Variants in LUZP2 observed in about 807,000 individuals in gnomAD.
The protein encoded by LUZP2 is leucine zipper protein 2.
A neutral mutation model predicts 51.6 loss-of-function variants in LUZP2; 52 were observed. The ratio of observed to expected loss-of-function variants is 1.01; its 90% CI spans 0.81 to 1.27. The LOEUF (loss-of-function observed/expected upper bound fraction) is 1.27, where lower values mean the gene tolerates loss of function less well. LUZP2 is among the 50% of genes most tolerant of loss of function. The pLI, the probability that LUZP2 is intolerant of heterozygous loss-of-function variation, is 0.00. For missense variants in LUZP2, 436 were observed against 395.4 expected, an observed-to-expected ratio of 1.10 and a Z score of -0.87; for synonymous variants, 154 against 137.3, an observed-to-expected ratio of 1.12 and a Z score of -0.85.
chr11:25,026,843 CTTTTTATTT>C (rs1857507258), intron 9 of LUZP2, among the ~76,000 whole-genome samples: 1 of 149,980 alleles, frequency 6.7e-6, no homozygotes, highest in Admixed American at 6.6e-5. Context: ...ACTATTTCAC[CTTTTTATTT>C]TTTTTATTTT....
intron 8 of LUZP2, 88 bp from the exon 9 acceptor site, chr11:24,983,038 A>C: frequency 8.0e-7 from 1 of 1,246,998 alleles, no homozygotes; most frequent in Non-Finnish European, 1.1e-6. Context: ...TTTTGTGGGG[A>C]GTATAGGCTA....
At chr11:24,947,939 A>G (rs1854945916) in intron 7 of LUZP2, among the ~76,000 whole-genome samples, 1 of 151,814 alleles carries the variant, frequency 6.6e-6, no homozygotes, top group African/African-American at 2.4e-5. Context: ...CTGAGCATCA[A>G]TTCTTTGCGT....
chr11:24,538,554 A>G (rs1851252452), intron 1 of LUZP2, among the ~76,000 whole-genome samples: 1 of 151,614 alleles, frequency 6.6e-6, no homozygotes, highest in Non-Finnish European at 1.5e-5. Flanking sequence ...TATTTTAATA[A>G]AGTTGTTAGG....
chr11:24,638,471 G>A (rs542896329), intron 1 of LUZP2, among the ~76,000 whole-genome samples: 13 of 151,276 alleles, frequency 8.6e-5, no homozygotes, highest in Non-Finnish European at 1.5e-4. Context: ...AACTATATAG[G>A]GAAAAAATTG....
chr11:24,667,933 A>G (rs1205239108), intron 1 of LUZP2, among the ~76,000 whole-genome samples: 4 of 152,170 alleles, frequency 2.6e-5, no homozygotes, highest in Admixed American at 2.6e-4. Context: ...CATGATAGAT[A>G]TTTTCCTCTT....
At chr11:24,929,073 T>A (rs890314692) in intron 7 of LUZP2, among the ~76,000 whole-genome samples, 6 of 152,042 alleles carry the variant, frequency 3.9e-5, no homozygotes, top group African/African-American at 1.4e-4. Context: ...TGGTATCAGT[T>A]ATAATATATC....
intron 9 of LUZP2, among the ~76,000 whole-genome samples, chr11:25,030,616 T>C (rs899274824): frequency 6.6e-6 from 1 of 151,744 alleles, no homozygotes; most frequent in Non-Finnish European, 1.5e-5. Context: ...ATTTTGCTGA[T>C]CTGCTATAGC....
In LUZP2 at chr11:24,497,191, C is replaced by A. The variant is rs114509228; in HGVS notation, c.-53C>A. 2.0e-3 allele frequency: 2,987 copies of A among 1,488,810 alleles called. 38 individuals carry two copies. In the African/African-American group the frequency reaches 0.032, roughly 16 times the overall value. The allele number at this position is 1,488,810 out of a possible 1,614,324, so 92.2% of individuals were successfully genotyped here. A position where few individuals can be genotyped will look rare whatever the true frequency, so the allele number is the denominator to read the frequency against. On this transcript the variant is annotated 5_prime_UTR_variant, in exon 1 of 12. Coordinates refer to ENST00000336930, the MANE Select transcript of LUZP2 (RefSeq NM_001009909.4). ...CGGGCACCAAGGAGCGACAGGATCCCGAAGAGAGAGAGAGAAGGCAGCGAG... is the reference window on the plus strand; with the variant it reads ...CGGGCACCAAGGAGCGACAGGATCCAGAAGAGAGAGAGAGAAGGCAGCGAG...
chr11:24,958,954 G>A (rs560027850), intron 7 of LUZP2, among the ~76,000 whole-genome samples: 1 of 152,308 alleles, frequency 6.6e-6, no homozygotes, highest in South Asian at 2.1e-4. Flanking sequence ...AAGGGATCCA[G>A]TTTCAGCTTT....
At chr11:24,734,690 T>A (rs1357541778) in intron 3 of LUZP2, among the ~76,000 whole-genome samples, 5 of 151,964 alleles carry the variant, frequency 3.3e-5, no homozygotes, top group Non-Finnish European at 7.4e-5. Flanking sequence ...TGTGTGTATA[T>A]TATGGTAAAA....
At chr11:24,943,841 G>A (rs958975963) in intron 7 of LUZP2, among the ~76,000 whole-genome samples, 2 of 145,478 alleles carry the variant, frequency 1.4e-5, no homozygotes, top group Admixed American at 7.1e-5. Flanking sequence ...TTGGGCCACT[G>A]CACTCCAGCC....
At chr11:24,912,908 T>G (rs1246399903) in intron 6 of LUZP2, among the ~76,000 whole-genome samples, 2 of 152,188 alleles carry the variant, frequency 1.3e-5, no homozygotes, top group Admixed American at 1.3e-4. Context: ...CTTGGAAAAT[T>G]ATATTTCTAC....
At chr11:24,918,556 G>A (rs935787023) in intron 7 of LUZP2, among the ~76,000 whole-genome samples, 35 of 151,572 alleles carry the variant, frequency 2.3e-4, no homozygotes, top group Admixed American at 1.7e-3. Flanking sequence ...TTGATGGGAC[G>A]TATCTCAAAA....
At chr11:24,517,202 C>A (rs1228670336) in intron 1 of LUZP2, among the ~76,000 whole-genome samples, 1 of 151,892 alleles carries the variant, frequency 6.6e-6, no homozygotes, top group Non-Finnish European at 1.5e-5. Flanking sequence ...ATTGTAGGTA[C>A]AGGCCGGGCA....
At chr11:24,898,669 A>G (rs1435616834) in intron 5 of LUZP2, among the ~76,000 whole-genome samples, 3 of 151,950 alleles carry the variant, frequency 2.0e-5, no homozygotes, top group African/African-American at 7.2e-5. Flanking sequence ...GGTGGGTCAG[A>G]GTGGTGCGCA....
At chr11:24,858,072 C>T (rs530296147) in intron 5 of LUZP2, among the ~76,000 whole-genome samples, 5 of 152,188 alleles carry the variant, frequency 3.3e-5, no homozygotes, top group African/African-American at 1.2e-4. Context: ...GTGTCTTTGG[C>T]ATCGAATGAC....
intron 5 of LUZP2, among the ~76,000 whole-genome samples, chr11:24,901,244 A>G (rs1853272284): frequency 6.6e-6 from 1 of 152,004 alleles, no homozygotes; most frequent in African/African-American, 2.4e-5. Context: ...CAGATGCTTC[A>G]TATTGGCCAA....
At chr11:25,026,146 G>C (rs1055986643) in intron 9 of LUZP2, among the ~76,000 whole-genome samples, 3 of 135,804 alleles carry the variant, frequency 2.2e-5, no homozygotes, top group Non-Finnish European at 4.7e-5. Context: ...CTGTCATGGG[G>C]TAGGGGGAGG....
chr11:24,826,648 C>G (rs1488471369), intron 5 of LUZP2, among the ~76,000 whole-genome samples: 1 of 151,796 alleles, frequency 6.6e-6, no homozygotes, highest in African/African-American at 2.4e-5. Flanking sequence ...GCAATATTCA[C>G]TATTTTGATT....
Sources: allele counts gnomAD v4.1 joint callset (sites outside exome capture counted in the v4.1 genomes callset), GRCh38; gene constraint gnomAD v4.1.1; transcripts MANE v1.5; gene names NCBI Gene and HGNC (gene_info 2026-07-23, HGNC 2026-07-21).